Variants in CDH19 observed in about 807,000 individuals in gnomAD.
The protein encoded by CDH19 is cadherin-19.
In CDH19, 67 loss-of-function variants were observed where a neutral mutation model predicts 64.2. The ratio of observed to expected loss-of-function variants is 1.04; its 90% confidence interval spans 0.86 to 1.28. CDH19 has a LOEUF of 1.28. Ranked by LOEUF, CDH19 falls within the 50% of genes most tolerant of loss-of-function variation. The pLI, the probability that CDH19 is intolerant of heterozygous loss-of-function variation, is 0.00. For missense variants in CDH19, 1,030 were observed against 929.0 expected (o/e 1.11, Z -1.41); for synonymous variants, 346 against 319.3 (o/e 1.08, Z -0.89).
At chr18:66,544,946 A>G (rs1987050778) in intron 5 of CDH19, 43 bp from the exon 6 acceptor site, 1 of 1,340,500 alleles carries the variant, frequency 7.5e-7, no homozygotes, top group Admixed American at 2.4e-5. Flanking sequence ...AATACTTAAT[A>G]TAGACAACTT....
chr18:66,531,940 G>A (rs1986458735), intron 8 of CDH19, among the ~76,000 whole-genome samples: 1 of 152,078 alleles, frequency 6.6e-6, no homozygotes, highest in African/African-American at 2.4e-5. Context: ...CATGTATTTT[G>A]TGAACTGAAA....
intron 11 of CDH19, among the ~76,000 whole-genome samples, chr18:66,507,535 T>C (rs1259127634): frequency 6.6e-6 from 1 of 151,842 alleles, no homozygotes; most frequent in East Asian, 1.9e-4. Flanking sequence ...GATGAATATT[T>C]TATAGTCCTG....
intron 1 of CDH19, chr18:66,596,292 G>C (rs1280311273): frequency 6.6e-6 from 1 of 152,088 alleles, no homozygotes; most frequent in African/African-American, 2.4e-5. Context: ...ATTTAATATA[G>C]CTGTGGAAGT....
chr18:66,542,345 G>A (rs1986920081), intron 7 of CDH19, among the ~76,000 whole-genome samples: 3 of 152,050 alleles, frequency 2.0e-5, no homozygotes, highest in Admixed American at 1.3e-4. Flanking sequence ...GACCTTCACA[G>A]AGCCAAGGAG....
At chr18:66,540,178 C>A (rs2144467751) in intron 7 of CDH19, among the ~76,000 whole-genome samples, 1 of 152,216 alleles carries the variant, frequency 6.6e-6, no homozygotes, top group South Asian at 2.1e-4. Context: ...TTATATTACT[C>A]CGTTGCTTTC....
chr18:66,512,456 G>C (rs1985537368), intron 9 of CDH19, among the ~76,000 whole-genome samples: 2 of 151,268 alleles, frequency 1.3e-5, no homozygotes. Context: ...TTATTGTTTC[G>C]AATTTTCTAC....
chr18:66,503,623 T>C lies in CDH19; in HGVS notation c.*1189A>G, dbSNP rs1001289705. On this transcript the variant is annotated 3_prime_UTR_variant, in exon 12 of 12. Coordinates refer to ENST00000262150, the MANE Select transcript of CDH19 (RefSeq NM_021153.4). ...GAGTAAATATTGACTTGTATTTTGC[T>C]ATTGTATTTTGACATAAGAATGTGT... The C allele has an allele frequency of 5.3e-5, 8 of 152,022 alleles. No individual in the cohort carries two copies. In the South Asian group the frequency reaches 1.7e-3, roughly 31 times the overall value. 9.4% of individuals were successfully genotyped at this position (152,022 alleles called of 1,614,324 possible).
Position 66,553,601 on chromosome 18 carries a change from AT to A in CDH19, c.610+803del, listed in dbSNP as rs1436807613. Among the ~76,000 whole-genome samples the A allele has an allele frequency of 7.0e-4, 94 of 134,112 alleles. 30 individuals are homozygous for A. The highest frequency in any genetic ancestry group is 2.9e-3 in the African/African-American group (86 of 29,204). The allele number at this position is 134,112 out of a possible 152,430, so 88.0% of individuals were successfully genotyped here. The stretch of plus-strand genomic sequence containing the variant: ...AAGCTGGAAATAGTATTTTCCTTGT[AT>A]TAAAAACCATAGAATTTTACTTCTT... On this transcript the variant is annotated intron_variant, in intron 4 of 11. Coordinates refer to ENST00000262150, the MANE Select transcript of CDH19 (RefSeq NM_021153.4).
At chr18:66,524,552 A>ATATATG (rs1986139933) in intron 9 of CDH19, among the ~76,000 whole-genome samples, 1 of 138,032 alleles carries the variant, frequency 7.2e-6, no homozygotes, top group African/African-American at 2.5e-5. Flanking sequence ...GTATATATAT[A>ATATATG]TATATATATA....
At chr18:66,549,848 G>T (rs1053184301) in intron 5 of CDH19, among the ~76,000 whole-genome samples, 2 of 152,004 alleles carry the variant, frequency 1.3e-5, no homozygotes, top group Admixed American at 6.6e-5. Flanking sequence ...AAAATTCAGG[G>T]TTTAAAAGCA....
At position 66,529,897 on chromosome 18, in the gene CDH19, T is replaced by G. The variant is rs745783102; in HGVS notation, c.1406A>C (p.Glu469Ala). The change falls in exon 9 of 12, where the codon GAG becomes GCG. Residue 469 changes from glutamate to alanine, a missense_variant. Glu to Ala is a moderately radical substitution (Grantham distance 107). Coordinates refer to ENST00000262150, the MANE Select transcript of CDH19 (RefSeq NM_021153.4). ...ATAAGTCTCATAGTATTGAGAGAAC[T>G]CAGGAGCATGATCATTGATGTTAAG... ...QVLNINDHAP[E>A]FSQYYETYVC... is the part of the protein sequence containing the mutation. The G allele has an allele frequency of 5.0e-6, 8 of 1,594,416 alleles. No homozygotes were observed. In the East Asian group the frequency reaches 1.8e-4, roughly 36 times the overall value.
chr18:66,588,605 C>CATATATATATATATATATATATATATAT (rs1263242803), intron 1 of CDH19, among the ~76,000 whole-genome samples: 2 of 116,730 alleles, frequency 1.7e-5, no homozygotes, highest in Non-Finnish European at 4.1e-5. Flanking sequence ...TTTTACTAAT[C>CATATATATATATATATATATATATATAT]ATATATATCT....
At chr18:66,568,291 T>A (rs569361388) in intron 3 of CDH19, 125 bp downstream of exon 3, 4 of 686,250 alleles carry the variant, frequency 5.8e-6, no homozygotes, top group African/African-American at 5.5e-5. Flanking sequence ...ATATTTTACT[T>A]AAACATATTT....
intron 3 of CDH19, among the ~76,000 whole-genome samples, chr18:66,557,716 AT>A (rs1202906420): frequency 1.3e-5 from 2 of 151,856 alleles, no homozygotes; most frequent in African/African-American, 4.8e-5. Context: ...CACTCCTTAC[AT>A]TTTTTGTGTG....
intron 9 of CDH19, among the ~76,000 whole-genome samples, chr18:66,519,335 C>A (rs781604444): frequency 7.2e-5 from 11 of 152,040 alleles, no homozygotes; most frequent in Non-Finnish European, 1.5e-4. Context: ...TACCTTCTTT[C>A]TTATTTGTTT....
At chr18:66,567,836 A>G (rs1258738906) in intron 3 of CDH19, among the ~76,000 whole-genome samples, 1 of 151,860 alleles carries the variant, frequency 6.6e-6, no homozygotes, top group African/African-American at 2.4e-5. Flanking sequence ...TTTCCAAGAC[A>G]GTCAATTCTT....
intron 1 of CDH19, among the ~76,000 whole-genome samples, chr18:66,584,307 A>G (rs1943404948): frequency 6.6e-6 from 1 of 152,026 alleles, no homozygotes; most frequent in African/African-American, 2.4e-5. Flanking sequence ...ATCTTACACC[A>G]CTCTGAATGG....
chr18:66,579,768 G>C (rs1452420616), intron 1 of CDH19, among the ~76,000 whole-genome samples: 1 of 151,844 alleles, frequency 6.6e-6, no homozygotes, highest in Non-Finnish European at 1.5e-5. Flanking sequence ...TCTGTATAAG[G>C]TATAATACAT....
chr18:66,534,003 T>G (rs1033759525), intron 8 of CDH19, among the ~76,000 whole-genome samples: 18 of 151,916 alleles, frequency 1.2e-4, no homozygotes, highest in Admixed American at 6.6e-5. Context: ...GGCTTAATGA[T>G]GTAGAATTTT....
Sources: gnomAD v4.1 joint callset for allele counts (sites outside exome capture counted in the v4.1 genomes callset) on GRCh38, gnomAD v4.1.1 for gene constraint, MANE v1.5 for transcripts, NCBI Gene and HGNC (gene_info 2026-07-23, HGNC 2026-07-21) for gene names.